AOX1: variants seen among roughly 807,000 people sequenced by gnomAD.
The protein encoded by AOX1 is aldehyde oxidase.
Under a neutral mutation model 169.5 loss-of-function variants are expected in AOX1, and 153 were observed. That is an observed-to-expected ratio of 0.90 (90% CI 0.79 to 1.03). The LOEUF (loss-of-function observed/expected upper bound fraction) is 1.03, where lower values mean the gene tolerates loss of function less well. Ranked by LOEUF, AOX1 falls within the 50% of genes least tolerant of loss-of-function variation. AOX1 has a pLI of 0.00. For missense variants in AOX1, 1,656 were observed against 1,663.9 expected (o/e 1.00, Z 0.08); for synonymous variants, 562 against 581.9 (o/e 0.97, Z 0.49).
intron 22 of AOX1, 128 bp from the exon 23 acceptor site, chr2:200,638,087 T>C (rs573092471): frequency 2.7e-6 from 2 of 730,678 alleles, no homozygotes; most frequent in Admixed American, 2.2e-5. Context: ...AGGATAGGCA[T>C]GCGAAATAGT....
chr2:200,609,415 G>C lies in AOX1; in HGVS notation c.1153+1G>C. 1.9e-6 allele frequency: 3 copies of C among 1,612,404 alleles called. No individual in the cohort carries two copies. The highest frequency in any genetic ancestry group is 2.5e-6 in the Non-Finnish European group (3 of 1,178,576). On this transcript the variant is annotated splice_donor_variant, in intron 12 of 34. Coordinates refer to ENST00000374700, the MANE Select transcript of AOX1 (RefSeq NM_001159.4). LOFTEE classifies it high-confidence loss of function. ...TGTACCCTCAACTTGCTATCAAAAG[G>C]TAAGTGACAGCCCCTACTTGGAGAT...
At position 200,630,780 on chromosome 2, in the gene AOX1, T is replaced by C. The variant is rs555530849; in HGVS notation, c.2221+3331T>C. Among the ~76,000 whole-genome samples the C allele has an allele frequency of 4.3e-4, 65 of 152,312 alleles. 1 individual carries two copies. The South Asian group carries it at 0.012, about 27-fold the overall frequency. The stretch of plus-strand genomic sequence containing the variant: ...ATATTTCAATGCGAGGTAATTGCAA[T>C]TAATTATCATAGCAACACTTTATCT... On this transcript the variant is annotated intron_variant, in intron 20 of 34. Coordinates refer to ENST00000374700, the MANE Select transcript of AOX1 (RefSeq NM_001159.4).
At position 200,608,995 on chromosome 2, in the gene AOX1, G is replaced by GGT. The variant is rs1559236102; in HGVS notation, c.921_922dup (p.Ala308ValfsTer6). 1 of 1,613,590 alleles carries GGT rather than the reference G, an allele frequency of 6.2e-7. No individual in the cohort carries two copies. Among genetic ancestry groups the GGT allele is most frequent in the East Asian group, 2.2e-5 (1 of 44,884 alleles). ...TGACTTCATTTCAGGACTCACCCTT[G>GGT]GTGCTGGTCTCAGCCTAGCCCAGGT... On this transcript the variant is annotated frameshift_variant, in exon 11 of 35. Transcript: ENST00000374700. LOFTEE classifies it high-confidence loss of function.
In AOX1 at chr2:200,662,988, G is replaced by A. The variant is rs754960399; in HGVS notation, c.3543+19G>A. 6.2e-7 allele frequency: 1 copy of A among 1,604,480 alleles called. No homozygotes were observed. Among genetic ancestry groups the A allele is most frequent in the Non-Finnish European group, 8.5e-7 (1 of 1,171,290 alleles). ...TCATAAGGTCAGTACCGGTTGGAAA[G>A]GTCTTCAAGTTGCACTTAGGATGCA... On this transcript the variant is annotated intron_variant, in intron 31 of 34. Coordinates refer to ENST00000374700, the MANE Select transcript of AOX1 (RefSeq NM_001159.4).
chr2:200,586,263 G>C, intron 1 of AOX1, 110 bp downstream of exon 1: 1 of 1,176,610 alleles, frequency 8.5e-7, no homozygotes, highest in Non-Finnish European at 1.2e-6. Context: ...AAGGCACTCA[G>C]GCACGGACTG....
intron 20 of AOX1, among the ~76,000 whole-genome samples, chr2:200,634,244 A>T (rs562729054): frequency 4.9e-4 from 60 of 122,840 alleles, no homozygotes; most frequent in Non-Finnish European, 7.5e-4. Flanking sequence ...TAAGTCTGGG[A>T]TATCTGAGGC....
At chr2:200,651,702 T>C (rs1231787443) in intron 26 of AOX1, among the ~76,000 whole-genome samples, 1 of 152,234 alleles carries the variant, frequency 6.6e-6, no homozygotes, top group Non-Finnish European at 1.5e-5. Flanking sequence ...ATAGAATTTT[T>C]GAAGTTTATT....
intron 17 of AOX1, 29 bp downstream of exon 17, chr2:200,620,848 C>T (rs761482932): frequency 5.7e-6 from 9 of 1,578,556 alleles, no homozygotes; most frequent in South Asian, 3.6e-5. Context: ...ACTCAATGGG[C>T]ATAAATGATT....
At position 200,621,610 on chromosome 2, in the gene AOX1, A is replaced by G. The variant is rs575878551; in HGVS notation, c.2001+364A>G. On this transcript the variant is annotated intron_variant, in intron 18 of 34. Transcript: ENST00000374700. Reference sequence around the variant, plus strand: ...GTCTCAGTGTGGTCAAAGTTCAACTACAAGTTCAAGTGGTATCTGCACCAT... The same window carrying G: ...GTCTCAGTGTGGTCAAAGTTCAACTGCAAGTTCAAGTGGTATCTGCACCAT... 5.3e-5 allele frequency among the ~76,000 whole-genome samples: 8 copies of G among 152,222 alleles called. No homozygotes were observed. In the South Asian group the frequency reaches 1.7e-3, roughly 32 times the overall value.
chr2:200,652,751 G>A (rs1258195449), intron 26 of AOX1, among the ~76,000 whole-genome samples: 1 of 152,122 alleles, frequency 6.6e-6, no homozygotes, highest in Non-Finnish European at 1.5e-5. Flanking sequence ...TTCCTCATCA[G>A]AATTTTCTCA....
At chr2:200,604,522 T>A (rs576335565) in intron 8 of AOX1, among the ~76,000 whole-genome samples, 174 bp from the exon 9 acceptor site, 1 of 152,342 alleles carries the variant, frequency 6.6e-6, no homozygotes, top group African/African-American at 2.4e-5. Context: ...AGAACCATCG[T>A]GCTTTTATTC....
chr2:200,627,210 A>G (rs2035023650), intron 19 of AOX1, 143 bp from the exon 20 acceptor site: 1 of 631,922 alleles, frequency 1.6e-6, no homozygotes, highest in African/African-American at 1.8e-5. Context: ...AGCTTGGCTC[A>G]CCAGGGTCAT....
chr2:200,669,685 T>C lies in AOX1; in HGVS notation c.3909T>C (p.Asn1303=), dbSNP rs778103674. The C allele has an allele frequency of 1.2e-6, 2 of 1,614,054 alleles. No homozygotes were observed. Among genetic ancestry groups the C allele is most frequent in the Non-Finnish European group, 1.7e-6 (2 of 1,180,008 alleles). ...GCCTGCATGGACCCTTGACCCTTAA[T>C]AGTCCACTGACCCCGGAGAAGATTA... is the stretch of plus-strand genomic sequence containing the variant. The part of the protein sequence containing the change: ...ERGLHGPLTL[N]SPLTPEKIRM... The change falls in exon 34 of 35, where the codon AAT becomes AAC. Residue 1303 remains asparagine (N), a synonymous_variant. Transcript: ENST00000374700.
chr2:200,662,523 G>A (rs534495119), intron 30 of AOX1, among the ~76,000 whole-genome samples: 6 of 152,236 alleles, frequency 3.9e-5, no homozygotes, highest in Middle Eastern at 3.4e-3. Flanking sequence ...AGCGTTTGGT[G>A]TAAAATGAAG....
chr2:200,638,491 C>A (rs2035286985), intron 23 of AOX1, among the ~76,000 whole-genome samples, 189 bp downstream of exon 23: 1 of 152,194 alleles, frequency 6.6e-6, no homozygotes. Context: ...GGCTTTTCTG[C>A]TTAGCTCAAA....
At position 200,676,751 on chromosome 2, in the gene AOX1, C is replaced by G. The variant is rs2036105994; in HGVS notation, c.487-127C>G. 1.2e-4 allele frequency: 38 copies of G among 327,976 alleles called. 1 individual carries two copies. Among genetic ancestry groups the G allele is most frequent in the South Asian group, 9.3e-4 (38 of 40,812 alleles). 20.3% of individuals were successfully genotyped at this position (327,976 alleles called of 1,614,324 possible). A position where few individuals can be genotyped will look rare whatever the true frequency, so the allele number is the denominator to read the frequency against. On this transcript the variant is annotated intron_variant, in intron 4 of 4. Transcript: ENST00000439380. The stretch of plus-strand genomic sequence containing the variant: ...TAAAGGAGGAGGAAAGTGGGGGTAA[C>G]AGAGCAAGGCGGGGAGACAAGAGGG...
At chr2:200,640,504 AAG>A (rs1363950938) in intron 23 of AOX1, among the ~76,000 whole-genome samples, 2 of 152,206 alleles carry the variant, frequency 1.3e-5, no homozygotes, top group Non-Finnish European at 2.9e-5. Flanking sequence ...TGTAAAATAA[AAG>A]AGAATTGGTG....
downstream of AOX1, among the ~76,000 whole-genome samples, chr2:200,675,481 T>C (rs1260353162): frequency 6.6e-6 from 1 of 152,190 alleles, no homozygotes; most frequent in Non-Finnish European, 1.5e-5. Context: ...GAGAAGGCTG[T>C]GTACATGATT....
chr2:200,657,122 G>C (rs145025075), intron 27 of AOX1, among the ~76,000 whole-genome samples, 185 bp downstream of exon 27: 11 of 142,380 alleles, frequency 7.7e-5, no homozygotes, highest in African/African-American at 2.4e-4. Flanking sequence ...GAAGGAGTTC[G>C]AGACCAGCCC....
Sources: allele counts gnomAD v4.1 joint callset (sites outside exome capture counted in the v4.1 genomes callset), GRCh38; gene constraint gnomAD v4.1.1; transcripts MANE v1.5; gene names NCBI Gene and HGNC (gene_info 2026-07-23, HGNC 2026-07-21).